Variants in FNBP1 observed in about 807,000 individuals in gnomAD.
FNBP1 encodes the protein formin binding protein 1, also known as formin-binding protein 1.
In FNBP1, 26 loss-of-function variants were observed where a neutral mutation model predicts 90.6. The ratio of observed to expected loss-of-function variants is 0.29; its 90% CI spans 0.21 to 0.40. The LOEUF is 0.40. Ranked by LOEUF, FNBP1 falls within the 10% of genes least tolerant of loss-of-function variation. FNBP1 has a pLI of 1.00. For synonymous variants in FNBP1, 260 were observed against 265.2 expected, an observed-to-expected ratio of 0.98 and a Z score of 0.19; for missense variants, 635 against 768.0, an observed-to-expected ratio of 0.83 and a Z score of 2.05.
intron 6 of FNBP1, among the ~76,000 whole-genome samples, chr9:129,937,601 C>T (rs7389397): frequency 0.11 from 16,369 of 151,294 alleles, 2,010 homozygotes; most frequent in East Asian, 0.63. Flanking sequence ...TGTGGTGGCA[C>T]GTGCCTGTAA....
At chr9:130,040,649 T>G (rs1251137387) in intron 1 of FNBP1, among the ~76,000 whole-genome samples, 2 of 151,818 alleles carry the variant, frequency 1.3e-5, no homozygotes, top group Admixed American at 6.6e-5. Flanking sequence ...AAAGAATGTC[T>G]TTTTAAAAAC....
the FNBP1 span, among the ~76,000 whole-genome samples, chr9:130,049,535 G>A: frequency 6.6e-6 from 1 of 151,880 alleles, no homozygotes; most frequent in Non-Finnish European, 1.5e-5. Flanking sequence ...GCAACATGGC[G>A]AAACCGTCTC....
At chr9:129,904,372 CAA>C (rs2037571796) in intron 12 of FNBP1, among the ~76,000 whole-genome samples, 1 of 152,106 alleles carries the variant, frequency 6.6e-6, no homozygotes, top group African/African-American at 2.4e-5. Flanking sequence ...GGTTGAAGAC[CAA>C]AGAGCTCTAC....
At chr9:130,025,747 A>G (rs1014655466) in intron 1 of FNBP1, among the ~76,000 whole-genome samples, 1 of 152,154 alleles carries the variant, frequency 6.6e-6, no homozygotes, top group Non-Finnish European at 1.5e-5. Flanking sequence ...AACACGGTGA[A>G]ACCCTGTCTC....
chr9:129,936,189 AAAC>A (rs1464552914), intron 6 of FNBP1, among the ~76,000 whole-genome samples: 2 of 152,230 alleles, frequency 1.3e-5, no homozygotes, highest in African/African-American at 4.8e-5. Context: ...CTGGTAGCCC[AAAC>A]AACAGTCAAT....
At chr9:129,924,907 C>T (rs1449663651) in intron 9 of FNBP1, 53 bp downstream of exon 9, 1 of 1,450,632 alleles carries the variant, frequency 6.9e-7, no homozygotes. Context: ...ACTAAAAGAT[C>T]AAGTCAAAAT....
At chr9:129,908,395 G>C (rs979414041) in intron 12 of FNBP1, among the ~76,000 whole-genome samples, 2 of 148,202 alleles carry the variant, frequency 1.3e-5, no homozygotes, top group African/African-American at 5.0e-5. Flanking sequence ...TTTTTTTTAG[G>C]GTTTTTGCTA....
At chr9:130,022,073 G>A (rs2131934128) in intron 1 of FNBP1, among the ~76,000 whole-genome samples, 1 of 152,208 alleles carries the variant, frequency 6.6e-6, no homozygotes, top group East Asian at 1.9e-4. Context: ...TGGCCAGGCT[G>A]GTCTCAAACT....
rs1056654762 is a variant in FNBP1 at position 130,013,205 on chromosome 9, C to T, written c.25-18247G>A. On this transcript the variant is annotated intron_variant, in intron 1 of 16. Transcript: ENST00000446176. ...ATGTTGCCCAGGCTGGTCTTGAATA[C>T]CTGGGCTCAAGCAATCCCCCTGCCT... Among the ~76,000 whole-genome samples, 8 of 152,124 alleles carry T rather than the reference C, an allele frequency of 5.3e-5. No individual in the cohort carries two copies. The South Asian group carries it at 8.3e-4, about 16-fold the overall frequency.
rs914103222 is a variant in FNBP1 at position 130,043,027 on chromosome 9, C to A, written c.-52G>T. On this transcript the variant is annotated 5_prime_UTR_variant, in exon 1 of 17. Transcript: ENST00000446176. ...CGCGCGGCGGGCGCGGCTCTCTGGT[C>A]CCCCTCCCCGGCGATCCCTTTGCCC... 8.2e-7 allele frequency: 1 copy of A among 1,223,084 alleles called. No individual in the cohort carries two copies. Among genetic ancestry groups the A allele is most frequent in the South Asian group, 4.1e-5 (1 of 24,220 alleles). The allele number at this position is 1,223,084 out of a possible 1,614,324, so 75.8% of individuals were successfully genotyped here.
intron 2 of FNBP1, among the ~76,000 whole-genome samples, chr9:129,990,652 T>C (rs1427362286): frequency 6.6e-6 from 1 of 152,152 alleles, no homozygotes; most frequent in Non-Finnish European, 1.5e-5. Flanking sequence ...CACTGGAATT[T>C]TGAACAGAGG....
intron 16 of FNBP1, among the ~76,000 whole-genome samples, chr9:129,892,778 A>G (rs1366287650): frequency 1.3e-5 from 2 of 152,178 alleles, no homozygotes; most frequent in Non-Finnish European, 2.9e-5. Context: ...AATTTACAAA[A>G]TATCTTTTAA....
intron 4 of FNBP1, among the ~76,000 whole-genome samples, chr9:129,962,087 G>C (rs905249040): frequency 2.0e-5 from 3 of 152,158 alleles, no homozygotes; most frequent in Admixed American, 2.0e-4. Flanking sequence ...TGTACCTGCA[G>C]CTTCTCCTCA....
At chr9:129,899,820 G>T in intron 15 of FNBP1, 145 bp downstream of exon 15, 2 of 611,238 alleles carry the variant, frequency 3.3e-6, no homozygotes, top group Middle Eastern at 4.1e-4. Flanking sequence ...GGAAGGGGAA[G>T]GGGAAGGGAA....
intron 1 of FNBP1, among the ~76,000 whole-genome samples, chr9:130,007,239 C>CAAAAAAAAAAAAAAAAA (rs72063140): frequency 5.2e-5 from 4 of 76,990 alleles, no homozygotes; most frequent in Non-Finnish European, 9.2e-5. Flanking sequence ...GAGATCCTGT[C>CAAAAAAAAAAAAAAAAA]AAAAAAAAAA....
intron 11 of FNBP1, among the ~76,000 whole-genome samples, chr9:129,910,599 C>G (rs1355931478): frequency 6.6e-6 from 1 of 151,088 alleles, no homozygotes; most frequent in Non-Finnish European, 1.5e-5. Flanking sequence ...GAAACAAGGG[C>G]AAGGCAGGCT....
intron 4 of FNBP1, among the ~76,000 whole-genome samples, chr9:129,964,465 C>T (rs2048282143): frequency 6.6e-6 from 1 of 151,864 alleles, no homozygotes; most frequent in Non-Finnish European, 1.5e-5. Flanking sequence ...AAAACCCAAA[C>T]CCTAATAGTT....
chr9:129,957,227 G>A lies in FNBP1; in HGVS notation c.513+133C>T. ...TAATTTTTGTGTTTTTCGTAGAGAT[G>A]GGGTTTCACCATCTTGGCCAGGCTG... On this transcript the variant is annotated intron_variant, in intron 6 of 16. Transcript: ENST00000446176. This position sits in a 1 kb window ranked among gnomAD's most constrained non-coding sequence, Gnocchi z 4.3. 1 of 629,580 alleles carries A rather than the reference G, an allele frequency of 1.6e-6. No individual in the cohort carries two copies. The highest frequency in any genetic ancestry group is 2.8e-6 in the Non-Finnish European group (1 of 359,224). 39.0% of individuals were successfully genotyped at this position (629,580 alleles called of 1,614,324 possible).
At chr9:130,034,288 G>A (rs1228328486) in intron 1 of FNBP1, among the ~76,000 whole-genome samples, 4 of 149,202 alleles carry the variant, frequency 2.7e-5, no homozygotes, top group Non-Finnish European at 5.9e-5. Context: ...ACTCCAGCCT[G>A]GGCGACAGAG....
Sources: gnomAD v4.1 joint callset for allele counts (sites outside exome capture counted in the v4.1 genomes callset) on GRCh38, gnomAD v4.1.1 for gene constraint, Gnocchi (gnomAD v3.1) non-coding constraint, MANE v1.5 for transcripts, NCBI Gene and HGNC (gene_info 2026-07-23, HGNC 2026-07-21) for gene names.